Variants in TANC2 observed in about 807,000 individuals in gnomAD.
The protein encoded by TANC2 is tetratricopeptide repeat, ankyrin repeat and coiled-coil containing 2, also known as protein TANC2.
TANC2 carries 26 observed loss-of-function variants against 210.5 expected under a neutral mutation model. That is an observed-to-expected ratio of 0.12 (90% confidence interval 0.09 to 0.17). The LOEUF is 0.17. Ranked by LOEUF, TANC2 falls within the 10% of genes least tolerant of loss-of-function variation. The pLI, the probability that TANC2 is intolerant of heterozygous loss-of-function variation, is 1.00. For missense variants in TANC2, 2,129 were observed against 2,608.9 expected (o/e 0.82, Z 4.01); for synonymous variants, 931 against 967.1 (o/e 0.96, Z 0.69).
chr17:63,147,217 A>G (rs2039492686), intron 4 of TANC2, among the ~76,000 whole-genome samples: 1 of 151,912 alleles, frequency 6.6e-6, no homozygotes, highest in African/African-American at 2.4e-5. Flanking sequence ...GTGGCACATG[A>G]CTGTGGTCCC....
chr17:63,048,056 C>T (rs555968034), intron 2 of TANC2, among the ~76,000 whole-genome samples: 10 of 152,216 alleles, frequency 6.6e-5, no homozygotes, highest in South Asian at 2.1e-4. Flanking sequence ...GAGATAAAGG[C>T]GTTTCTTTAC....
At chr17:63,290,788 G>C (rs1051192841) in intron 9 of TANC2, among the ~76,000 whole-genome samples, 2 of 152,120 alleles carry the variant, frequency 1.3e-5, no homozygotes, top group Non-Finnish European at 2.9e-5. Context: ...AGATGGAGTA[G>C]ACCAGAACAT....
At chr17:63,089,177 G>GA (rs1197148318) in intron 3 of TANC2, 1 of 152,228 alleles carries the variant, frequency 6.6e-6, no homozygotes, top group African/African-American at 2.4e-5. Flanking sequence ...CGAAAACACC[G>GA]AAAGAAGACC....
At chr17:63,220,614 G>A (rs1311113374) in intron 7 of TANC2, among the ~76,000 whole-genome samples, 1 of 149,354 alleles carries the variant, frequency 6.7e-6, no homozygotes, top group African/African-American at 2.5e-5. Flanking sequence ...TGTGGCAGGC[G>A]AATTGCTTCA....
intron 8 of TANC2, among the ~76,000 whole-genome samples, chr17:63,264,951 T>G (rs890386419): frequency 6.6e-6 from 1 of 152,122 alleles, no homozygotes; most frequent in African/African-American, 2.4e-5. Context: ...AGAGTGAGAC[T>G]TCGTCTCAAA....
At chr17:63,229,890 C>T (rs553983029) in intron 7 of TANC2, among the ~76,000 whole-genome samples, 2 of 151,974 alleles carry the variant, frequency 1.3e-5, no homozygotes, top group African/African-American at 4.8e-5. Flanking sequence ...ATGTCTCAGC[C>T]TCAAGCGATT....
At chr17:62,992,671 T>C (rs1403377614) in intron 1 of TANC2, among the ~76,000 whole-genome samples, 1 of 152,246 alleles carries the variant, frequency 6.6e-6, no homozygotes, top group African/African-American at 2.4e-5. Flanking sequence ...AGCATTTGGA[T>C]CACCACATTA....
intron 4 of TANC2, among the ~76,000 whole-genome samples, chr17:63,128,356 A>G (rs1037533865): frequency 4.6e-5 from 7 of 152,152 alleles, no homozygotes; most frequent in Non-Finnish European, 8.8e-5. Flanking sequence ...ACGCCCCACA[A>G]ATGTATATGC....
At chr17:63,376,009 C>T (rs1001222163) in intron 14 of TANC2, among the ~76,000 whole-genome samples, 5 of 151,588 alleles carry the variant, frequency 3.3e-5, no homozygotes, top group Non-Finnish European at 5.9e-5. Flanking sequence ...ATTGCTTGAA[C>T]GTGGGAAGTG....
chr17:63,069,852 A>G (rs2036332873), intron 2 of TANC2, among the ~76,000 whole-genome samples: 1 of 152,176 alleles, frequency 6.6e-6, no homozygotes, highest in Non-Finnish European at 1.5e-5. Flanking sequence ...CAAATTAAAT[A>G]AAAGGAGTAG....
chr17:63,227,932 C>T (rs886241109), intron 7 of TANC2, among the ~76,000 whole-genome samples: 1 of 152,014 alleles, frequency 6.6e-6, no homozygotes, highest in South Asian at 2.1e-4. Context: ...GCTGCAATCT[C>T]GGCTCACGGC....
chr17:63,127,291 AT>A (rs2038747251), intron 4 of TANC2, among the ~76,000 whole-genome samples: 1 of 152,148 alleles, frequency 6.6e-6, no homozygotes, highest in Non-Finnish European at 1.5e-5. Context: ...ATGATATTTC[AT>A]TTGTTTATAC....
At chr17:63,181,421 A>C (rs529105255) in intron 5 of TANC2, among the ~76,000 whole-genome samples, 1 of 152,284 alleles carries the variant, frequency 6.6e-6, no homozygotes, top group East Asian at 1.9e-4. Flanking sequence ...ACAGGCATGA[A>C]CTTCTTTCTA....
chr17:63,292,784 T>C (rs1315422246), intron 9 of TANC2, among the ~76,000 whole-genome samples: 1 of 152,226 alleles, frequency 6.6e-6, no homozygotes, highest in Non-Finnish European at 1.5e-5. Flanking sequence ...AGCCAGACAC[T>C]GTCCTAAGCA....
chr17:63,047,055 G>A (rs2035411378), intron 2 of TANC2, among the ~76,000 whole-genome samples: 1 of 152,124 alleles, frequency 6.6e-6, no homozygotes, highest in South Asian at 2.1e-4. Flanking sequence ...CATAAAAATA[G>A]CCTATTACTA....
chr17:63,351,114 G>A (rs760013889), intron 12 of TANC2, 136 bp from the exon 13 acceptor site: 1 of 764,076 alleles, frequency 1.3e-6, no homozygotes, highest in Non-Finnish European at 2.0e-6. Context: ...AATAAATTAT[G>A]TACCCTGAGC....
chr17:63,275,497 TATG>T (rs2043845302), intron 9 of TANC2, among the ~76,000 whole-genome samples: 1 of 152,180 alleles, frequency 6.6e-6, no homozygotes, highest in Non-Finnish European at 1.5e-5. Context: ...ATGAATCCTT[TATG>T]ATGATGACTA....
intron 2 of TANC2, among the ~76,000 whole-genome samples, chr17:63,036,077 G>A (rs2034961019): frequency 6.6e-6 from 1 of 151,904 alleles, no homozygotes; most frequent in Non-Finnish European, 1.5e-5. Context: ...TTCATTGTGT[G>A]CTCTGTGTAC....
At chr17:63,083,588 A>C (rs543767507) in intron 3 of TANC2, among the ~76,000 whole-genome samples, 1 of 152,232 alleles carries the variant, frequency 6.6e-6, no homozygotes, top group South Asian at 2.1e-4. Context: ...TCTCCAAGCC[A>C]GGTAAAATGC....
Sources: allele counts gnomAD v4.1 joint callset (sites outside exome capture counted in the v4.1 genomes callset), GRCh38; gene constraint gnomAD v4.1.1; transcripts MANE v1.5; gene names NCBI Gene and HGNC (gene_info 2026-07-23, HGNC 2026-07-21).